Variants in PLB1 observed in about 807,000 individuals in gnomAD.
PLB1 encodes phospholipase B1, membrane-associated.
A neutral mutation model predicts 227.4 loss-of-function variants in PLB1; 242 were observed. The ratio of observed to expected loss-of-function variants is 1.06; its 90% confidence interval spans 0.96 to 1.18. The LOEUF (loss-of-function observed/expected upper bound fraction) is 1.18, where lower values mean the gene tolerates loss of function less well. PLB1 is among the 50% of genes most tolerant of loss of function. PLB1 has a pLI of 0.00. For synonymous variants in PLB1, 757 were observed against 682.2 expected, an observed-to-expected ratio of 1.11 and a Z score of -1.71; for missense variants, 1,858 against 1,816.3, an observed-to-expected ratio of 1.02 and a Z score of -0.42.
At chr2:28,606,729 G>A (rs1261661208) in intron 43 of PLB1, among the ~76,000 whole-genome samples, 162 bp downstream of exon 43, 1 of 152,176 alleles carries the variant, frequency 6.6e-6, no homozygotes, top group Non-Finnish European at 1.5e-5. Flanking sequence ...GATGGACAGG[G>A]GAGGTGAGAG....
intron 4 of PLB1, among the ~76,000 whole-genome samples, 192 bp downstream of exon 4, chr2:28,519,955 G>A (rs76704552): frequency 0.087 from 13,226 of 151,788 alleles, 696 homozygotes; most frequent in East Asian, 0.21. Context: ...TTTTGAGACA[G>A]TCTCACTCTG....
At chr2:28,509,639 C>G (rs1168059525) in intron 1 of PLB1, among the ~76,000 whole-genome samples, 4 of 152,162 alleles carry the variant, frequency 2.6e-5, no homozygotes, top group African/African-American at 9.7e-5. Flanking sequence ...TTTTTTCTTG[C>G]ATTCCCATCA....
At chr2:28,522,334 C>T (rs915306747) in intron 4 of PLB1, among the ~76,000 whole-genome samples, 1 of 152,026 alleles carries the variant, frequency 6.6e-6, no homozygotes, top group African/African-American at 2.4e-5. Flanking sequence ...GAGCTCCCCA[C>T]CCGCATTCTC....
chr2:28,560,657 C>T (rs980547043), intron 17 of PLB1, among the ~76,000 whole-genome samples: 4 of 152,154 alleles, frequency 2.6e-5, no homozygotes, highest in South Asian at 2.1e-4. Flanking sequence ...AAAAATAAAA[C>T]GAATATATTG....
intron 31 of PLB1, among the ~76,000 whole-genome samples, chr2:28,592,115 C>G (rs755527579): frequency 6.6e-6 from 1 of 152,162 alleles, no homozygotes. Flanking sequence ...GCAATCACTG[C>G]CGCCTACAGT....
chr2:28,610,271 C>T (rs1355180992), intron 43 of PLB1, among the ~76,000 whole-genome samples: 2 of 152,122 alleles, frequency 1.3e-5, no homozygotes, highest in East Asian at 1.9e-4. Flanking sequence ...CAAATGTTCA[C>T]ACTTTCTTAC....
chr2:28,517,243 C>T lies in PLB1; in HGVS notation c.117+374C>T, dbSNP rs536127390. The stretch of plus-strand genomic sequence containing the variant: ...GAGAGTAAATGCTGTGGTTTCTTAC[C>T]GTAATCAGTACTTCAAGAGAAACTG... On this transcript the variant is annotated intron_variant, in intron 2 of 57. Coordinates refer to ENST00000327757, the MANE Select transcript of PLB1 (RefSeq NM_153021.5). 5.3e-5 allele frequency among the ~76,000 whole-genome samples: 8 copies of T among 151,938 alleles called. No individual in the cohort carries two copies. In the East Asian group the frequency reaches 5.8e-4, roughly 11 times the overall value.
At chr2:28,571,374 C>A (rs1337318117) in intron 20 of PLB1, among the ~76,000 whole-genome samples, 2 of 152,128 alleles carry the variant, frequency 1.3e-5, no homozygotes, top group African/African-American at 2.4e-5. Context: ...TCATAATACT[C>A]CCCACATCAA....
intron 18 of PLB1, among the ~76,000 whole-genome samples, chr2:28,563,429 A>T (rs1334645131): frequency 6.6e-6 from 1 of 152,128 alleles, no homozygotes; most frequent in Admixed American, 6.5e-5. Flanking sequence ...GTGGGGCAGG[A>T]TTGGACAAGA....
intron 51 of PLB1, among the ~76,000 whole-genome samples, 191 bp downstream of exon 51, chr2:28,626,699 C>G (rs903444000): frequency 4.6e-5 from 7 of 152,206 alleles, no homozygotes; most frequent in Non-Finnish European, 8.8e-5. Flanking sequence ...CTGAGCGACC[C>G]CTGGAAGAGC....
At chr2:28,606,416 C>A in intron 42 of PLB1, 80 bp from the exon 43 acceptor site, 2 of 1,403,120 alleles carry the variant, frequency 1.4e-6, no homozygotes, top group African/African-American at 1.4e-5. Flanking sequence ...GCTTTCCCCA[C>A]TGCAGGATTC....
chr2:28,531,519 C>G (rs1671009152), intron 8 of PLB1, among the ~76,000 whole-genome samples: 1 of 152,192 alleles, frequency 6.6e-6, no homozygotes, highest in African/African-American at 2.4e-5. Flanking sequence ...CCATGTTGGT[C>G]AGGCTGGTCT....
At chr2:28,631,670 C>T (rs1470330594) in intron 54 of PLB1, among the ~76,000 whole-genome samples, 2 of 152,188 alleles carry the variant, frequency 1.3e-5, no homozygotes, top group African/African-American at 2.4e-5. Flanking sequence ...TTGACCTCTT[C>T]GTGCAGTGAG....
chr2:28,623,576 A>C (rs766508171), intron 49 of PLB1, among the ~76,000 whole-genome samples: 7 of 152,150 alleles, frequency 4.6e-5, no homozygotes, highest in Non-Finnish European at 8.8e-5. Context: ...ATTCTCCTTA[A>C]TGAGAAACAA....
At chr2:28,515,228 C>G (rs61149088) in intron 1 of PLB1, among the ~76,000 whole-genome samples, 18,503 of 152,202 alleles carry the variant, frequency 0.12, 1,386 homozygotes, top group African/African-American at 0.21. Context: ...TTCCACTCCC[C>G]CTGGAGTGAT....
chr2:28,550,238 T>A (rs1674014135), intron 16 of PLB1, among the ~76,000 whole-genome samples, 154 bp downstream of exon 16: 2 of 149,874 alleles, frequency 1.3e-5, no homozygotes, highest in South Asian at 4.5e-4. Flanking sequence ...AGTGGTGCCA[T>A]CTCGGCTCAC....
At position 28,600,454 on chromosome 2, in the gene PLB1, T is replaced by C. The variant is rs562494290; in HGVS notation, c.2475-355T>C. 4.6e-5 allele frequency among the ~76,000 whole-genome samples: 7 copies of C among 152,310 alleles called. No homozygotes were observed. The South Asian group carries it at 1.2e-3, about 27-fold the overall frequency. On this transcript the variant is annotated intron_variant, in intron 35 of 57. Coordinates refer to ENST00000327757, the MANE Select transcript of PLB1 (RefSeq NM_153021.5). The stretch of plus-strand genomic sequence containing the variant: ...AAGAGGAAGCATGCTAGAAGTTTCA[T>C]AGGTCTAATTTTAGGATCTAAACTA...
chr2:28,532,086 A>G, intron 8 of PLB1, 22 bp from the exon 9 acceptor site: 1 of 1,579,342 alleles, frequency 6.3e-7, no homozygotes, highest in South Asian at 1.1e-5. Context: ...TCTCCTTTTC[A>G]TGCTGTTGCC....
chr2:28,554,197 A>G (rs1674665160), intron 17 of PLB1, among the ~76,000 whole-genome samples: 1 of 152,338 alleles, frequency 6.6e-6, no homozygotes. Flanking sequence ...ATAAATCATC[A>G]GCTTCATATG....
Sources: gnomAD v4.1 joint callset for allele counts (sites outside exome capture counted in the v4.1 genomes callset) on GRCh38, gnomAD v4.1.1 for gene constraint, MANE v1.5 for transcripts, NCBI Gene and HGNC (gene_info 2026-07-23, HGNC 2026-07-21) for gene names.